The following RGS6 variants were observed in gnomAD, a reference collection of about 807,000 sequenced individuals.
RGS6 encodes regulator of G-protein signaling 6.
RGS6 carries 30 observed loss-of-function variants against 78.5 expected under a neutral mutation model. That is an observed-to-expected ratio of 0.38 (90% confidence interval 0.29 to 0.52). The LOEUF (loss-of-function observed/expected upper bound fraction) is 0.52, where lower values mean the gene tolerates loss of function less well. Among genes scored for constraint, RGS6 ranks in the 20% least tolerant of loss-of-function variants. RGS6 has a pLI of 0.85. For missense variants in RGS6, 495 were observed against 609.7 expected (o/e 0.81, Z 1.98); for synonymous variants, 206 against 206.0 (o/e 1.00, Z 0.00).
At chr14:72,230,246 A>G (rs752051577) in intron 2 of RGS6, among the ~76,000 whole-genome samples, 3 of 152,152 alleles carry the variant, frequency 2.0e-5, no homozygotes, top group Non-Finnish European at 4.4e-5. Context: ...CATGGCACCT[A>G]TGGTTGTCTC....
intron 3 of RGS6, among the ~76,000 whole-genome samples, chr14:72,397,487 A>G (rs1229006804): frequency 1.5e-4 from 23 of 152,038 alleles, no homozygotes; most frequent in East Asian, 5.8e-4. Flanking sequence ...CAATCATGTC[A>G]TCTGCAAACA....
chr14:72,503,117 G>A (rs923638113), intron 13 of RGS6, among the ~76,000 whole-genome samples: 4 of 152,164 alleles, frequency 2.6e-5, no homozygotes, highest in Non-Finnish European at 4.4e-5. Context: ...GTTCATAAAT[G>A]TCTGGGTCCT....
chr14:72,114,844 A>T (rs942656583), intron 2 of RGS6, among the ~76,000 whole-genome samples: 1 of 152,186 alleles, frequency 6.6e-6, no homozygotes, highest in Non-Finnish European at 1.5e-5. Flanking sequence ...TTTTCACCAA[A>T]TGTCTGAGTG....
the RGS6 span, among the ~76,000 whole-genome samples, chr14:72,609,288 C>T: frequency 6.6e-6 from 1 of 152,182 alleles, no homozygotes; most frequent in African/African-American, 2.4e-5. Flanking sequence ...AGAACCCCAT[C>T]AGGACAGGAG....
intron 2 of RGS6, among the ~76,000 whole-genome samples, chr14:72,347,174 C>T (rs1317410762): frequency 1.3e-5 from 2 of 152,194 alleles, no homozygotes; most frequent in African/African-American, 2.4e-5. Flanking sequence ...TAAAGGATGT[C>T]AGGGAATTGA....
intron 3 of RGS6, among the ~76,000 whole-genome samples, chr14:72,428,316 A>G (rs1040322239): frequency 6.6e-6 from 1 of 152,106 alleles, no homozygotes; most frequent in Admixed American, 6.5e-5. Flanking sequence ...ATATTTATGT[A>G]TTAGTTGGAT....
intron 3 of RGS6, among the ~76,000 whole-genome samples, chr14:72,368,917 A>G (rs954085191): frequency 6.6e-6 from 1 of 152,232 alleles, no homozygotes; most frequent in South Asian, 2.1e-4. Flanking sequence ...AAGTATCTTC[A>G]TATGGGTAGG....
At chr14:72,572,216 GC>G in the RGS6 span, among the ~76,000 whole-genome samples, 2 of 152,134 alleles carry the variant, frequency 1.3e-5, no homozygotes, top group Non-Finnish European at 2.9e-5. Flanking sequence ...TGCTGCAGCC[GC>G]TTTGGAAAAC....
chr14:72,435,793 C>T (rs2094881736), intron 3 of RGS6, among the ~76,000 whole-genome samples: 1 of 141,826 alleles, frequency 7.1e-6, no homozygotes, highest in Non-Finnish European at 1.5e-5. Flanking sequence ...CATCTCCTCT[C>T]TCTGATCCTT....
At chr14:71,883,116 T>C in the RGS6 span, among the ~76,000 whole-genome samples, 6 of 152,240 alleles carry the variant, frequency 3.9e-5, no homozygotes, top group Non-Finnish European at 7.3e-5. Flanking sequence ...ATTTCAGGTT[T>C]TTTAAATCAA....
chr14:72,423,780 T>C (rs920619580), intron 3 of RGS6, among the ~76,000 whole-genome samples: 6 of 152,140 alleles, frequency 3.9e-5, no homozygotes, highest in Non-Finnish European at 7.3e-5. Flanking sequence ...ACATGCAATT[T>C]ATACATATAA....
intron 2 of RGS6, among the ~76,000 whole-genome samples, chr14:72,200,137 T>C (rs1384794430): frequency 6.6e-6 from 1 of 152,226 alleles, no homozygotes; most frequent in African/African-American, 2.4e-5. Flanking sequence ...GTTGTTGCTT[T>C]GTGGAAGATT....
At chr14:72,508,634 C>T (rs889826553) in intron 13 of RGS6, among the ~76,000 whole-genome samples, 1 of 129,584 alleles carries the variant, frequency 7.7e-6, no homozygotes, top group Non-Finnish European at 1.6e-5. Context: ...ATGTCAGCTC[C>T]ATAATAAGAG....
At chr14:72,426,954 T>C (rs1366214426) in intron 3 of RGS6, among the ~76,000 whole-genome samples, 1 of 152,226 alleles carries the variant, frequency 6.6e-6, no homozygotes, top group Non-Finnish European at 1.5e-5. Flanking sequence ...CTTGGGATGT[T>C]TGTGCTTAGA....
intron 3 of RGS6, among the ~76,000 whole-genome samples, chr14:72,407,654 G>A (rs1444714963): frequency 3.9e-5 from 6 of 152,214 alleles, no homozygotes; most frequent in Non-Finnish European, 4.4e-5. Flanking sequence ...CCTTTGTCAG[G>A]AAATGTTACT....
At chr14:72,123,134 T>G (rs1439381486) in intron 2 of RGS6, among the ~76,000 whole-genome samples, 2 of 152,134 alleles carry the variant, frequency 1.3e-5, no homozygotes, top group Admixed American at 6.6e-5. Context: ...ACCTGGCTAA[T>G]TTTGTATTTT....
intron 17 of RGS6, among the ~76,000 whole-genome samples, chr14:72,559,894 G>A (rs2097647258): frequency 6.6e-6 from 1 of 152,044 alleles, no homozygotes; most frequent in Non-Finnish European, 1.5e-5. Context: ...GAAGCCTCAG[G>A]GCCAAATTCA....
intron 12 of RGS6, among the ~76,000 whole-genome samples, chr14:72,480,935 G>A (rs1162470852): frequency 6.6e-6 from 1 of 152,202 alleles, no homozygotes; most frequent in Non-Finnish European, 1.5e-5. Context: ...GGGACAGCGA[G>A]GCTGGGCTCT....
intron 3 of RGS6, among the ~76,000 whole-genome samples, chr14:72,446,153 G>T (rs1217052783): frequency 6.6e-6 from 1 of 152,168 alleles, no homozygotes; most frequent in Non-Finnish European, 1.5e-5. Flanking sequence ...AGCCACTTGG[G>T]AAGATCGGGA....
Sources: allele counts gnomAD v4.1 joint callset (sites outside exome capture counted in the v4.1 genomes callset), GRCh38; gene constraint gnomAD v4.1.1; transcripts MANE v1.5; gene names NCBI Gene and HGNC (gene_info 2026-07-23, HGNC 2026-07-21).